Variants in MYBPC3 observed in about 807,000 individuals in gnomAD.
The protein encoded by MYBPC3 is myosin-binding protein C, cardiac-type.
MYBPC3 carries 108 observed loss-of-function variants against 159.3 expected under a neutral mutation model. That is an observed-to-expected ratio of 0.68 (90% CI 0.58 to 0.80). The LOEUF (loss-of-function observed/expected upper bound fraction) is 0.80. Among genes scored for constraint, MYBPC3 ranks in the 30% least tolerant of loss-of-function variants. MYBPC3 has a pLI of 0.00. For synonymous variants in MYBPC3, 730 were observed against 702.0 expected (o/e 1.04, Z -0.63); for missense variants, 1,631 against 1,762.1 (o/e 0.93, Z 1.33).
chr11:47,341,992 G>A lies in MYBPC3; in HGVS notation c.1789C>T (p.Arg597Trp), dbSNP rs201596087. 53 of 1,558,666 alleles carry A rather than the reference G, an allele frequency of 3.4e-5. No individual in the cohort carries two copies. The highest frequency in any genetic ancestry group is 4.3e-5 in the Non-Finnish European group (49 of 1,150,662). ...DSRIKVSHIG[R>W]VHKLTIDDVT... ...CATCCACCTGCCCTGCACACTCACC[G>A]CCCGATGTGGGACACCTTTATGCGG... The change falls in exon 18 of 35, where the codon CGG (arginine) becomes TGG (tryptophan). Residue 597 changes from arginine (R) to tryptophan (W), a missense_variant and splice_region_variant. Coordinates refer to ENST00000545968, the MANE Select transcript of MYBPC3 (RefSeq NM_000256.3).
At chr11:47,349,487 C>G (rs1267949392) in intron 5 of MYBPC3, among the ~76,000 whole-genome samples, 4 of 151,930 alleles carry the variant, frequency 2.6e-5, no homozygotes, top group African/African-American at 7.3e-5. Context: ...GGCGACCCCC[C>G]ACCCCCGGCC....
At position 47,336,022 on chromosome 11, in the gene MYBPC3, G is replaced by A. The variant is rs11570105; in HGVS notation, c.2603-11C>T. On this transcript the variant is annotated splice_polypyrimidine_tract_variant and intron_variant, in intron 25 of 34. Coordinates refer to ENST00000545968, the MANE Select transcript of MYBPC3 (RefSeq NM_000256.3). ...GTTCGCTGGGGGGACCTGGGCAGAG[G>A]AGAGGTCAGAGAGGGGTCTGAGCAA... 4.5e-5 allele frequency: 66 copies of A among 1,476,020 alleles called. No homozygotes were observed. Among genetic ancestry groups the A allele is most frequent in the Non-Finnish European group, 5.8e-5 (64 of 1,110,496 alleles). The allele number at this position is 1,476,020 out of a possible 1,614,324, so 91.4% of individuals were successfully genotyped here. A position where few individuals can be genotyped will look rare whatever the true frequency, so the allele number is the denominator to read the frequency against.
chr11:47,347,228 A>G, intron 9 of MYBPC3, 198 bp downstream of exon 9: 1 of 985,372 alleles, frequency 1.0e-6, no homozygotes, highest in African/African-American at 1.7e-5. Context: ...GGACACTGTG[A>G]GGATGACTGT....
intron 5 of MYBPC3, among the ~76,000 whole-genome samples, chr11:47,349,132 GC>G (rs1026118808): frequency 6.6e-6 from 1 of 151,406 alleles, no homozygotes; most frequent in African/African-American, 2.4e-5. Flanking sequence ...CTTGCTAGAG[GC>G]CCCCTTGCCT....
intron 20 of MYBPC3, among the ~76,000 whole-genome samples, chr11:47,340,330 G>A (rs528302216): frequency 1.3e-5 from 2 of 152,222 alleles, no homozygotes; most frequent in Admixed American, 1.3e-4. Context: ...CATTAAAAAG[G>A]TTCCCTGGCC....
chr11:47,351,480 C>A lies in MYBPC3; in HGVS notation c.51G>T (p.Arg17=). 6.3e-7 allele frequency: 1 copy of A among 1,590,862 alleles called. No homozygotes were observed. Among genetic ancestry groups the A allele is most frequent in the Non-Finnish European group, 8.6e-7 (1 of 1,163,472 alleles). The part of the protein sequence containing the change: ...KPVSAFSKKP[R]SVEVAAGSPA... The stretch of plus-strand genomic sequence containing the variant: ...GGCTGCCTGCGGCCACTTCCACTGA[C>A]CGTGGCTTCTTGCTAAAAGCTGAGA... Residue 17 remains arginine, a synonymous_variant, in exon 2 of 35, where the codon CGG becomes CGT. Transcript: ENST00000545968. The surrounding 1 kb of genome is among the most constrained non-coding windows in gnomAD (Gnocchi z 4.2).
At chr11:47,339,225 T>C in intron 22 of MYBPC3, 99 bp downstream of exon 22, 3 of 1,306,356 alleles carry the variant, frequency 2.3e-6, no homozygotes, top group East Asian at 4.6e-5. Context: ...CCCGGCCAAG[T>C]GTGGCACCTC....
chr11:47,343,664 C>G, intron 12 of MYBPC3, 40 bp from the exon 13 acceptor site: 1 of 1,552,598 alleles, frequency 6.4e-7, no homozygotes, highest in South Asian at 1.2e-5. Context: ...CCACCGCCCG[C>G]ACCCTGCTCC....
chr11:47,341,349 G>T, intron 18 of MYBPC3, 105 bp from the exon 19 acceptor site: 2 of 787,812 alleles, frequency 2.5e-6, no homozygotes, highest in Non-Finnish European at 3.9e-6. Flanking sequence ...GTCCTGGCTT[G>T]TTGGTATTCT....
chr11:47,332,421 G>C lies in MYBPC3; in HGVS notation c.3627+145C>G. 7.1e-7 allele frequency: 1 copy of C among 1,410,396 alleles called. No individual in the cohort carries two copies. The highest frequency in any genetic ancestry group is 9.7e-7 in the Non-Finnish European group (1 of 1,034,850). 87.4% of individuals were successfully genotyped at this position (1,410,396 alleles called of 1,614,324 possible). On this transcript the variant is annotated intron_variant, in intron 32 of 34. Coordinates refer to ENST00000545968, the MANE Select transcript of MYBPC3 (RefSeq NM_000256.3). This position sits in a 1 kb window ranked among gnomAD's most constrained non-coding sequence, Gnocchi z 4.2. Reference sequence around the variant, plus strand: ...CATGGAACCAAGAGTGAGTACCATGGCCCTGCCCAGGGGGAGGAACCCGGT... The same window carrying C: ...CATGGAACCAAGAGTGAGTACCATGCCCCTGCCCAGGGGGAGGAACCCGGT...
Position 47,331,833 on chromosome 11 carries a change from G to A in MYBPC3, c.*26+12C>T, listed in dbSNP as rs1198740153. On this transcript the variant is annotated intron_variant, in intron 34 of 34. Coordinates refer to ENST00000545968, the MANE Select transcript of MYBPC3 (RefSeq NM_000256.3). Reference sequence around the variant, plus strand: ...CCACTGACTTGTGCCCTGGGTGTCGGGTGGTACATACCTGGCCATCCCCAG... The same window carrying A: ...CCACTGACTTGTGCCCTGGGTGTCGAGTGGTACATACCTGGCCATCCCCAG... 1.2e-6 allele frequency: 2 copies of A among 1,600,988 alleles called. No homozygotes were observed.
rs751590263 is a variant in MYBPC3, at chr11:47,351,477, T to C, written c.54A>G (p.Ser18=). 3.1e-6 allele frequency: 5 copies of C among 1,591,728 alleles called. No individual in the cohort carries two copies. The highest frequency in any genetic ancestry group is 4.3e-6 in the Non-Finnish European group (5 of 1,164,060). The part of the protein sequence containing the change: ...PVSAFSKKPR[S]VEVAAGSPAV... ...CAGGGCTGCCTGCGGCCACTTCCACTGACCGTGGCTTCTTGCTAAAAGCTG... is the reference window on the plus strand; with the variant it reads ...CAGGGCTGCCTGCGGCCACTTCCACCGACCGTGGCTTCTTGCTAAAAGCTG... Residue 18 remains serine (S), a synonymous_variant, in exon 2 of 35, where the codon TCA becomes TCG. Coordinates refer to ENST00000545968, the MANE Select transcript of MYBPC3 (RefSeq NM_000256.3). This position sits in a 1 kb window ranked among gnomAD's most constrained non-coding sequence, Gnocchi z 4.2.
chr11:47,333,709 G>A lies in MYBPC3; in HGVS notation c.3038C>T (p.Pro1013Leu). The A allele has an allele frequency of 6.2e-7, 1 of 1,609,534 alleles. No individual in the cohort carries two copies. Among genetic ancestry groups the A allele is most frequent in the Non-Finnish European group, 8.5e-7 (1 of 1,178,602 alleles). Residue 1013 changes from proline to leucine, a missense_variant, in exon 29 of 35, where the codon CCC becomes CTC. Pro to Leu is a moderately conservative substitution (Grantham distance 98). Coordinates refer to ENST00000545968, the MANE Select transcript of MYBPC3 (RefSeq NM_000256.3). The stretch of plus-strand genomic sequence containing the variant: ...GATGCTCACCTCCTCGCCTGCCAGG[G>A]GCTGCCCCTCTTTGGTCCAGGTCAC... ...PQVTWTKEGQ[P>L]LAGEEVSIRN...
intron 27 of MYBPC3, 76 bp downstream of exon 27, chr11:47,334,966 T>C: frequency 7.2e-7 from 1 of 1,388,322 alleles, no homozygotes; most frequent in South Asian, 1.9e-5. Flanking sequence ...CCTCCCCAAC[T>C]GTCCCCACCT....
chr11:47,342,096 G>A lies in MYBPC3; in HGVS notation c.1685C>T (p.Ala562Val), dbSNP rs730880694. Residue 562 changes from alanine (A) to valine (V), a missense_variant, in exon 18 of 35, where the codon GCG (alanine) becomes GTG (valine). Transcript: ENST00000545968. Reference sequence around the variant, plus strand: ...ATCTGAGACCTCACATTTGAACACCGCCTGGTCCTTTGCGCCCACCATCAG... The same window carrying A: ...ATCTGAGACCTCACATTTGAACACCACCTGGTCCTTTGCGCCCACCATCAG... ...ADLMVGAKDQAVFKCEVSDEN... is the reference protein window; with the variant it reads ...ADLMVGAKDQVVFKCEVSDEN... 8 of 1,613,742 alleles carry A rather than the reference G, an allele frequency of 5.0e-6. No individual in the cohort carries two copies. In the East Asian group the frequency reaches 6.7e-5, roughly 13 times the overall value.
chr11:47,333,250 C>T lies in MYBPC3; in HGVS notation c.3274G>A (p.Val1092Ile), dbSNP rs778853122. The part of the protein sequence containing the change: ...VALEWKPPQD[V>I]GNTELWGYTV... ...TACCCCCAGAGCTCCGTGTTGCCGA[C>T]ATCCTGGGGTGGCTTCCACTCCAGA... Residue 1092 changes from valine to isoleucine, a missense_variant, in exon 30 of 35, where the codon GTC (valine) becomes ATC (isoleucine). Coordinates refer to ENST00000545968, the MANE Select transcript of MYBPC3 (RefSeq NM_000256.3). The T allele has an allele frequency of 2.1e-5, 33 of 1,587,224 alleles. No homozygotes were observed. The South Asian group carries it at 3.4e-4, about 17-fold the overall frequency.
Position 47,347,940 on chromosome 11 carries a change from C to T in MYBPC3, c.773-35G>A, listed in dbSNP as rs370186065. ...AAGGGTGGAGAGATGGGGGAAGGGG[C>T]TTCAGAGGGGGCCGTTTGAGAAGCC... On this transcript the variant is annotated intron_variant, in intron 6 of 34. Coordinates refer to ENST00000545968, the MANE Select transcript of MYBPC3 (RefSeq NM_000256.3). 1.3e-4 allele frequency: 210 copies of T among 1,558,912 alleles called. 1 individual carries two copies. In the African/African-American group the frequency reaches 2.2e-3, roughly 16 times the overall value.
At chr11:47,350,372 A>C in intron 3 of MYBPC3, 130 bp downstream of exon 3, 1 of 1,445,698 alleles carries the variant, frequency 6.9e-7, no homozygotes, top group Non-Finnish European at 9.3e-7. Flanking sequence ...TGATCCGCCC[A>C]CCTCGGCCTC....
Position 47,333,209 on chromosome 11 carries a change from G to A in MYBPC3, c.3315C>T (p.Ala1105=), listed in dbSNP as rs200372325. ...TELWGYTVQK[A]DKKTMEWFTV... ...CTGGGCTCACCATGGTCTTCTTGTC[G>A]GCTTTCTGCACTGTGTACCCCCAGA... Residue 1105 remains alanine, a synonymous_variant, in exon 30 of 35, where the codon GCC becomes GCT. Transcript: ENST00000545968. The A allele has an allele frequency of 1.8e-5, 29 of 1,601,588 alleles. 1 individual carries two copies. The highest frequency in any genetic ancestry group is 9.4e-5 in the African/African-American group (7 of 74,844).
Sources: allele counts gnomAD v4.1 joint callset (sites outside exome capture counted in the v4.1 genomes callset), GRCh38; gene constraint gnomAD v4.1.1; non-coding constraint Gnocchi (gnomAD v3.1); transcripts MANE v1.5; gene names NCBI Gene and HGNC (gene_info 2026-07-23, HGNC 2026-07-21).